The following FLNC variants were observed in gnomAD, a reference collection of about 807,000 sequenced individuals.
The protein encoded by FLNC is filamin-C.
In FLNC, 91 loss-of-function variants were observed where a neutral mutation model predicts 254.3. The observed-to-expected ratio is 0.36, with a 90% CI of 0.30 to 0.43. The LOEUF is 0.43. FLNC is among the 20% of genes least tolerant of loss of function. The pLI is 1.00. For synonymous variants in FLNC, 1,430 were observed against 1,577.2 expected (o/e 0.91, Z 2.21); for missense variants, 2,853 against 3,802.6 (o/e 0.75, Z 6.57).
At position 128,850,056 on chromosome 7, in the gene FLNC, C is replaced by T. The variant is rs563285308; in HGVS notation, c.5280C>T (p.Gly1760=). The change falls in exon 31 of 48, where the codon GGC becomes GGT. Residue 1760 remains glycine (G), a synonymous_variant. Coordinates refer to ENST00000325888, the MANE Select transcript of FLNC (RefSeq NM_001458.5). ...LRQPYAPPRP[G]ARPTHWATEE... ...AGCCCTACGCTCCTCCCCGGCCCGG[C>T]GCCCGCCCCACACACTGGGTACTGC... The T allele has an allele frequency of 7.1e-6, 11 of 1,541,988 alleles. No individual in the cohort carries two copies. Among genetic ancestry groups the T allele is most frequent in the African/African-American group, 5.4e-5 (4 of 73,396 alleles).
chr7:128,838,532 A>G, intron 7 of FLNC, 71 bp from the exon 8 acceptor site: 1 of 1,600,900 alleles, frequency 6.2e-7, no homozygotes, highest in South Asian at 1.1e-5. Context: ...GAGGGTGGGC[A>G]GCCTCAGGGT....
At position 128,847,014 on chromosome 7, in the gene FLNC, G is replaced by A. The variant is rs1449468052; in HGVS notation, c.4288+109G>A. The A allele has an allele frequency of 4.2e-6, 6 of 1,415,748 alleles. No homozygotes were observed. The African/African-American group carries it at 5.6e-5, about 13-fold the overall frequency. 87.7% of individuals were successfully genotyped at this position (1,415,748 alleles called of 1,614,324 possible). On this transcript the variant is annotated intron_variant, in intron 24 of 47. Transcript: ENST00000325888. ...AGTTGGGTAAGAATGTTCATAGAGA[G>A]GACAGCCTAGAGTGGGTTGGGGCCG...
At position 128,853,755 on chromosome 7, in the gene FLNC, G is replaced by A; in HGVS notation, c.6402G>A (p.Met2134Ile). Reference sequence around the variant, plus strand: ...TGAAGGTGACCGGCGAGGGCCGCATGAAGGAGAGCATCACCCGGCGGAGAC... The same window carrying A: ...TGAAGGTGACCGGCGAGGGCCGCATAAAGGAGAGCATCACCCGGCGGAGAC... ...FTVKVTGEGR[M>I]KESITRRRQA... The change falls in exon 39 of 48, where the codon ATG (methionine) becomes ATA (isoleucine). Residue 2134 changes from methionine (M) to isoleucine (I), a missense_variant. Coordinates refer to ENST00000325888, the MANE Select transcript of FLNC (RefSeq NM_001458.5). 3.1e-6 allele frequency: 5 copies of A among 1,613,896 alleles called. No individual in the cohort carries two copies. Among genetic ancestry groups the A allele is most frequent in the Non-Finnish European group, 4.2e-6 (5 of 1,180,046 alleles).
chr7:128,832,416 G>A (rs1807928567), intron 1 of FLNC, among the ~76,000 whole-genome samples: 1 of 152,224 alleles, frequency 6.6e-6, no homozygotes. Context: ...GGCATCCTCA[G>A]CAGGCTGGGT....
rs1809200446 is a variant in FLNC at position 128,859,215 on chromosome 7, T to C, written c.*692T>C. On this transcript the variant is annotated 3_prime_UTR_variant, in exon 48 of 48. Coordinates refer to ENST00000325888, the MANE Select transcript of FLNC (RefSeq NM_001458.5). ...TTCTAGGGGACTTTTGCACATGTCA[T>C]GCAGCTCAGCTGGGAGCTGCTTAGG... 6.5e-6 allele frequency: 1 copy of C among 153,072 alleles called. No homozygotes were observed. Among genetic ancestry groups the C allele is most frequent in the Non-Finnish European group, 1.5e-5 (1 of 68,366 alleles). 9.5% of individuals were successfully genotyped at this position (153,072 alleles called of 1,614,324 possible).
Position 128,856,428 on chromosome 7 carries a change from G to A in FLNC, c.7252-90G>A, listed in dbSNP as rs1809059846. 1 of 1,548,312 alleles carries A rather than the reference G, an allele frequency of 6.5e-7. No homozygotes were observed. The highest frequency in any genetic ancestry group is 2.2e-5 in the East Asian group (1 of 44,542). On this transcript the variant is annotated intron_variant, in intron 43 of 47. Transcript: ENST00000325888. This position sits in a 1 kb window ranked among gnomAD's most constrained non-coding sequence, Gnocchi z 5.9. ...TGGGGTGGCAGCAGCCTTTGGGCTG[G>A]GCTTACAGTGAGCACCGTGTGGGGC... is the stretch of plus-strand genomic sequence containing the variant.
rs762824697 is a variant in FLNC at position 128,842,918 on chromosome 7, G to A, written c.2514G>A (p.Ala838=). 9.9e-6 allele frequency: 16 copies of A among 1,613,910 alleles called. No homozygotes were observed. The highest frequency in any genetic ancestry group is 3.3e-5 in the Admixed American group (2 of 60,010). Residue 838 remains alanine (A), a synonymous_variant, in exon 16 of 48, where the codon GCG becomes GCA. Transcript: ENST00000325888. This position sits in a 1 kb window ranked among gnomAD's most constrained non-coding sequence, Gnocchi z 5.4. The part of the protein sequence containing the change: ...TFTVKYTPPG[A]GRYTIMVLFA... Reference sequence around the variant, plus strand: ...CCGTCAAGTACACGCCACCAGGGGCGGGCCGCTACACCATCATGGTGCTGT... The same window carrying A: ...CCGTCAAGTACACGCCACCAGGGGCAGGCCGCTACACCATCATGGTGCTGT...
Position 128,849,983 on chromosome 7 carries a change from A to AC in FLNC, c.5212dup (p.Leu1738ProfsTer9), listed in dbSNP as rs1435721087. Reference sequence around the variant, plus strand: ...CGTGCCTTGCCTCCCCAGGCGTGTGACCCCCTGCCGCACGAGGAGGAGCCC... The same window carrying AC: ...CGTGCCTTGCCTCCCCAGGCGTGTGACCCCCCTGCCGCACGAGGAGGAGCCC... On this transcript the variant is annotated frameshift_variant, in exon 31 of 48. Transcript: ENST00000325888. LOFTEE classifies it high-confidence loss of function. The AC allele has an allele frequency of 6.3e-7, 1 of 1,586,850 alleles. No homozygotes were observed. Among genetic ancestry groups the AC allele is most frequent in the Non-Finnish European group, 8.5e-7 (1 of 1,171,652 alleles).
In FLNC at chr7:128,840,035, A is replaced by G; in HGVS notation, c.1424A>G (p.Asn475Ser). The G allele has an allele frequency of 1.2e-6, 2 of 1,613,672 alleles. No individual in the cohort carries two copies. The highest frequency in any genetic ancestry group is 1.7e-6 in the Non-Finnish European group (2 of 1,180,004). ...PVHVSEACNP[N>S]ACRASGRGLQ... Reference sequence around the variant, plus strand: ...CTTCCTCCCCTAGCCTGTAACCCCAACGCCTGCCGCGCCTCTGGGCGAGGC... The same window carrying G: ...CTTCCTCCCCTAGCCTGTAACCCCAGCGCCTGCCGCGCCTCTGGGCGAGGC... The change falls in exon 9 of 48, where the codon AAC becomes AGC. Residue 475 changes from asparagine (N) to serine (S), a missense_variant. Transcript: ENST00000325888.
At chr7:128,831,335 A>G (rs76873749) in intron 1 of FLNC, among the ~76,000 whole-genome samples, 6,406 of 152,258 alleles carry the variant, frequency 0.042, 466 homozygotes, top group African/African-American at 0.14. Flanking sequence ...CACACTCGGG[A>G]GGACAGAACC....
At chr7:128,839,079 G>A (rs1463351367) in intron 8 of FLNC, among the ~76,000 whole-genome samples, 1 of 152,234 alleles carries the variant, frequency 6.6e-6, no homozygotes, top group African/African-American at 2.4e-5. Context: ...GCCCTCAGGT[G>A]GTGACTGCCC....
Position 128,830,479 on chromosome 7 carries a change from C to G in FLNC, c.-159C>G, listed in dbSNP as rs1199180040. 7.7e-6 allele frequency: 5 copies of G among 649,694 alleles called. No individual in the cohort carries two copies. The highest frequency in any genetic ancestry group is 1.3e-5 in the Non-Finnish European group (5 of 378,336). 40.2% of individuals were successfully genotyped at this position (649,694 alleles called of 1,614,324 possible). A position where few individuals can be genotyped will look rare whatever the true frequency, so the allele number is the denominator to read the frequency against. ...GCGGCCGAGCGCCTAGGAGGCCCGCCGAGCCTCGCCGAGCCCCGCCAGCCC... is the reference window on the plus strand; with the variant it reads ...GCGGCCGAGCGCCTAGGAGGCCCGCGGAGCCTCGCCGAGCCCCGCCAGCCC... On this transcript the variant is annotated 5_prime_UTR_variant, in exon 1 of 48. Coordinates refer to ENST00000325888, the MANE Select transcript of FLNC (RefSeq NM_001458.5).
At chr7:128,854,963 G>A (rs762912773) in intron 42 of FLNC, 51 bp downstream of exon 42, 1 of 1,603,526 alleles carries the variant, frequency 6.2e-7, no homozygotes, top group Non-Finnish European at 8.5e-7. Flanking sequence ...CTTCCAGACT[G>A]GGTTTCTGCC....
rs1049085470 is a variant in FLNC at position 128,830,486 on chromosome 7, C to T, written c.-152C>T. 6.7e-5 allele frequency: 45 copies of T among 676,094 alleles called. No homozygotes were observed. The East Asian group carries it at 1.2e-3, about 19-fold the overall frequency. The allele number at this position is 676,094 out of a possible 1,614,324, so 41.9% of individuals were successfully genotyped here. ...AGCGCCTAGGAGGCCCGCCGAGCCT[C>T]GCCGAGCCCCGCCAGCCCCGGCGCG... is the stretch of plus-strand genomic sequence containing the variant. On this transcript the variant is annotated 5_prime_UTR_variant, in exon 1 of 48. Transcript: ENST00000325888.
In FLNC at chr7:128,847,701, C is replaced by A. The variant is rs376429779; in HGVS notation, c.4293C>A (p.Ser1431Arg). 1.2e-6 allele frequency: 2 copies of A among 1,613,854 alleles called. No homozygotes were observed. The highest frequency in any genetic ancestry group is 1.3e-5 in the African/African-American group (1 of 74,938). The stretch of plus-strand genomic sequence containing the variant: ...CTAATGTCCTTCTCCTCACAGGGAG[C>A]CCGTTCCGCGTGCCAGTGAAGGATG... ...ITFGGRPIPGSPFRVPVKDVV... is the reference protein window; with the variant it reads ...ITFGGRPIPGRPFRVPVKDVV... Residue 1431 changes from serine (S) to arginine (R), a missense_variant, in exon 25 of 48, where the codon AGC (serine) becomes AGA (arginine). Around this residue, in one of 10 missense-constraint regions of FLNC, gnomAD observed 1,573 missense variants for 1,883.5 expected, o/e 0.84. Coordinates refer to ENST00000325888, the MANE Select transcript of FLNC (RefSeq NM_001458.5).
In FLNC at chr7:128,855,883, A is replaced by G. The variant is rs758387931; in HGVS notation, c.7251+569A>G. Among the ~76,000 whole-genome samples the G allele has an allele frequency of 3.2e-4, 49 of 152,336 alleles. 1 individual carries two copies. The highest frequency in any genetic ancestry group is 1.4e-3 in the South Asian group (7 of 4,832). On this transcript the variant is annotated intron_variant, in intron 43 of 47. Coordinates refer to ENST00000325888, the MANE Select transcript of FLNC (RefSeq NM_001458.5). ...ACTGAAACATGCAAACCAGGGGGCC[A>G]GGTGTCCAGGGGACACATTGTAAAG...
chr7:128,844,371 C>T (rs1808467449), intron 20 of FLNC, 105 bp downstream of exon 20: 3 of 1,382,058 alleles, frequency 2.2e-6, no homozygotes, highest in African/African-American at 2.9e-5. Context: ...CTGGAGTGGG[C>T]ACAGCCAAGG....
chr7:128,855,938 C>T (rs1809035088), intron 43 of FLNC, among the ~76,000 whole-genome samples: 1 of 152,192 alleles, frequency 6.6e-6, no homozygotes, highest in Non-Finnish European at 1.5e-5. Flanking sequence ...ACAGAATGGG[C>T]TTCACCCCAC....
chr7:128,845,126 C>G lies in FLNC; in HGVS notation c.3661C>G (p.Pro1221Ala). 6.2e-7 allele frequency: 1 copy of G among 1,613,970 alleles called. No individual in the cohort carries two copies. The highest frequency in any genetic ancestry group is 8.5e-7 in the Non-Finnish European group (1 of 1,180,032). Residue 1221 changes from proline to alanine, a missense_variant, in exon 21 of 48, where the codon CCT becomes GCT. Physicochemically the swap from Pro to Ala is conservative, Grantham distance 27. Transcript: ENST00000325888. ...CCACATCACCTACAGCCCTGCCTTC[C>G]CTGGCACCTACACCATTACCATCAA... Reference protein sequence around the residue: ...TYHITYSPAFPGTYTITIKYG... With the variant: ...TYHITYSPAFAGTYTITIKYG...
Sources: allele counts gnomAD v4.1 joint callset (sites outside exome capture counted in the v4.1 genomes callset), GRCh38; gene constraint gnomAD v4.1.1; regional missense constraint gnomAD v4.1.1; non-coding constraint Gnocchi (gnomAD v3.1); transcripts MANE v1.5; gene names NCBI Gene and HGNC (gene_info 2026-07-23, HGNC 2026-07-21).